The following ZNF26 variants were observed in gnomAD, a reference collection of about 807,000 sequenced individuals.
ZNF26 encodes zinc finger protein 26.
ZNF26 carries 32 observed loss-of-function variants against 54.9 expected under a neutral mutation model. That is an observed-to-expected ratio of 0.58 (90% CI 0.44 to 0.78). The LOEUF (loss-of-function observed/expected upper bound fraction) is 0.78. Among genes scored for constraint, ZNF26 ranks in the 30% least tolerant of loss-of-function variants. ZNF26 has a pLI of 0.00. For synonymous variants in ZNF26, 221 were observed against 209.2 expected (o/e 1.06, Z -0.49); for missense variants, 524 against 634.0 (o/e 0.83, Z 1.86).
At chr12:132,990,689 T>A (rs1411744892) in intron 1 of ZNF26, among the ~76,000 whole-genome samples, 4 of 152,180 alleles carry the variant, frequency 2.6e-5, no homozygotes. Flanking sequence ...CCTGGCACTT[T>A]CTGGTTTGGG....
intron 1 of ZNF26, 85 bp from the exon 2 acceptor site, chr12:133,006,957 A>G (rs1396028460): frequency 6.8e-7 from 1 of 1,474,714 alleles, no homozygotes; most frequent in East Asian, 2.3e-5. Context: ...GTAGAGGAAC[A>G]TTTATCCCTT....
chr12:132,992,595 C>T lies in ZNF26; in HGVS notation c.33+5722C>T, dbSNP rs768426325. ...GATGATGTGGTTACATCCTGATAAA[C>T]TCATCATAAATTGAAAATCTCTTTG... On this transcript the variant is annotated intron_variant, in intron 1 of 3. Coordinates refer to ENST00000328654, the MANE Select transcript of ZNF26 (RefSeq NM_019591.4). Among the ~76,000 whole-genome samples, 728 of 152,266 alleles carry T rather than the reference C, an allele frequency of 4.8e-3. 4 individuals carry two copies. The highest frequency in any genetic ancestry group is 8.1e-3 in the Non-Finnish European group (548 of 68,028).
At chr12:133,010,070 C>G in intron 3 of ZNF26, 66 bp from the exon 4 acceptor site, 7 of 1,481,090 alleles carry the variant, frequency 4.7e-6, no homozygotes, top group Non-Finnish European at 6.4e-6. Context: ...AGTCCTAATA[C>G]TGTTTAATTC....
At position 133,001,508 on chromosome 12, in the gene ZNF26, G is replaced by C; in HGVS notation, c.34-5534G>C. The C allele has an allele frequency of 2.4e-6, 1 of 424,242 alleles. No individual in the cohort carries two copies. Among genetic ancestry groups the C allele is most frequent in the Non-Finnish European group, 4.2e-6 (1 of 236,240 alleles). The allele number at this position is 424,242 out of a possible 1,614,324, so 26.3% of individuals were successfully genotyped here. A position where few individuals can be genotyped will look rare whatever the true frequency, so the allele number is the denominator to read the frequency against. ...TTATGACAGGCATCAGTGGGGCTTG[G>C]TTGGAGCCTCTGACAGGGCTCTGCC... On this transcript the variant is annotated intron_variant, in intron 1 of 3. Transcript: ENST00000328654. This position sits in a 1 kb window ranked among gnomAD's most constrained non-coding sequence, Gnocchi z 4.7.
Position 133,011,692 on chromosome 12 carries a change from A to T in ZNF26, c.*211A>T. 1 of 386,288 alleles carries T rather than the reference A, an allele frequency of 2.6e-6. No individual in the cohort carries two copies. The highest frequency in any genetic ancestry group is 4.6e-6 in the Non-Finnish European group (1 of 218,788). The allele number at this position is 386,288 out of a possible 1,614,324, so 23.9% of individuals were successfully genotyped here. A position where few individuals can be genotyped will look rare whatever the true frequency, so the allele number is the denominator to read the frequency against. On this transcript the variant is annotated 3_prime_UTR_variant, in exon 4 of 4. Coordinates refer to ENST00000328654, the MANE Select transcript of ZNF26 (RefSeq NM_019591.4). ...TAATGGAAGGAATGTGGAGCAATAA[A>T]TGTATCAAATGTTGTAGTATCATCA...
At chr12:132,995,139 C>A (rs1189287745) in intron 1 of ZNF26, 5 of 152,332 alleles carry the variant, frequency 3.3e-5, no homozygotes, top group African/African-American at 1.2e-4. Context: ...GAATTGAGAA[C>A]TGCATTTGCT....
chr12:132,997,357 A>G (rs1237824169), intron 1 of ZNF26, among the ~76,000 whole-genome samples: 11 of 152,086 alleles, frequency 7.2e-5, no homozygotes, highest in Admixed American at 6.5e-5. Flanking sequence ...AGTCCAGAAC[A>G]GGGGTTAATC....
At chr12:133,008,860 T>C (rs1953401992) in intron 3 of ZNF26, among the ~76,000 whole-genome samples, 1 of 151,952 alleles carries the variant, frequency 6.6e-6, no homozygotes, top group African/African-American at 2.4e-5. Flanking sequence ...CTGCAGGCTG[T>C]ATGGGAAGCA....
rs1952827563 is a variant in ZNF26 at position 132,986,693 on chromosome 12, G to C, written c.-148G>C. 16 of 761,256 alleles carry C rather than the reference G, an allele frequency of 2.1e-5. No homozygotes were observed. The South Asian group carries it at 2.6e-4, about 12-fold the overall frequency. 47.2% of individuals were successfully genotyped at this position (761,256 alleles called of 1,614,324 possible). Reference sequence around the variant, plus strand: ...TGTGTTGGGCGAGAGCTGAGGAGCCGGCGTCCCTGCCAACGACTCGGCCCC... The same window carrying C: ...TGTGTTGGGCGAGAGCTGAGGAGCCCGCGTCCCTGCCAACGACTCGGCCCC... On this transcript the variant is annotated 5_prime_UTR_variant, in exon 1 of 4. Transcript: ENST00000328654.
At position 133,011,543 on chromosome 12, in the gene ZNF26, G is replaced by A. The variant is rs1953473255; in HGVS notation, c.*62G>A. The A allele has an allele frequency of 1.4e-6, 2 of 1,459,612 alleles. No individual in the cohort carries two copies. The highest frequency in any genetic ancestry group is 2.5e-5 in the Admixed American group (1 of 39,590). The allele number at this position is 1,459,612 out of a possible 1,614,324, so 90.4% of individuals were successfully genotyped here. ...AGGAGACTTCGGATAATATAGACAG[G>A]ATTTACAAGCAGGAGGCCCTAAAAT... On this transcript the variant is annotated 3_prime_UTR_variant, in exon 4 of 4. Coordinates refer to ENST00000328654, the MANE Select transcript of ZNF26 (RefSeq NM_019591.4).
chr12:133,010,388 T>C lies in ZNF26; in HGVS notation c.509T>C (p.Ile170Thr). 2 of 1,614,168 alleles carry C rather than the reference T, an allele frequency of 1.2e-6. No homozygotes were observed. The highest frequency in any genetic ancestry group is 1.1e-5 in the South Asian group (1 of 91,082). ...YFLKHQRAHS[I>T]EKNCVCSECG... is the part of the protein sequence containing the mutation. ...CTTAAGCATCAAAGAGCTCATAGCA[T>C]AGAAAAAAACTGTGTGTGTAGTGAA... Residue 170 changes from isoleucine (I) to threonine (T), a missense_variant, in exon 4 of 4, where the codon ATA (isoleucine) becomes ACA (threonine). Physicochemically the swap from Ile to Thr is moderately conservative, Grantham distance 89 (BLOSUM62 -1). Coordinates refer to ENST00000328654, the MANE Select transcript of ZNF26 (RefSeq NM_019591.4).
chr12:133,001,078 A>G lies in ZNF26; in HGVS notation c.34-5964A>G, dbSNP rs1953209399. On this transcript the variant is annotated intron_variant, in intron 1 of 3. Transcript: ENST00000328654. The surrounding 1 kb of genome is among the most constrained non-coding windows in gnomAD (Gnocchi z 4.7). ...TGGTCACATCGAAGTGACTTGTTTC[A>G]TGTTTCTTCTCCCTCAGATTTAAAG... Among the ~76,000 whole-genome samples the G allele has an allele frequency of 6.6e-6, 1 of 152,016 alleles. No individual in the cohort carries two copies. Among genetic ancestry groups the G allele is most frequent in the South Asian group, 2.1e-4 (1 of 4,820 alleles).
At position 133,001,672 on chromosome 12, in the gene ZNF26, G is replaced by T; in HGVS notation, c.34-5370G>T. 7.8e-7 allele frequency: 1 copy of T among 1,289,148 alleles called. No homozygotes were observed. Among genetic ancestry groups the T allele is most frequent in the Non-Finnish European group, 1.0e-6 (1 of 988,684 alleles). The allele number at this position is 1,289,148 out of a possible 1,614,324, so 79.9% of individuals were successfully genotyped here. ...GAGGAGCCTGCTAATGAGCTCAAGT[G>T]TCAAGTTCGGGAATCTTCTGGGTGT... On this transcript the variant is annotated intron_variant, in intron 1 of 3. Transcript: ENST00000328654. This position sits in a 1 kb window ranked among gnomAD's most constrained non-coding sequence, Gnocchi z 4.7.
In ZNF26 at chr12:132,986,457, A is replaced by G. The variant is rs2137199166; in HGVS notation, c.-384A>G. The G allele has an allele frequency of 4.2e-6, 1 of 239,686 alleles. No homozygotes were observed. The highest frequency in any genetic ancestry group is 8.2e-6 in the Non-Finnish European group (1 of 121,668). The allele number at this position is 239,686 out of a possible 1,614,324, so 14.8% of individuals were successfully genotyped here. The stretch of plus-strand genomic sequence containing the variant: ...TCTGGCCAGCGGGTGTACCTGGCTG[A>G]GTCTCTGTGGCCGCGGAGGCGCGGA... On this transcript the variant is annotated 5_prime_UTR_variant, in exon 1 of 4. Coordinates refer to ENST00000328654, the MANE Select transcript of ZNF26 (RefSeq NM_019591.4).
At chr12:133,007,211 A>G in intron 2 of ZNF26, 43 bp downstream of exon 2, 1 of 1,599,962 alleles carries the variant, frequency 6.3e-7, no homozygotes, top group Non-Finnish European at 8.6e-7. Flanking sequence ...TGAATATTAA[A>G]TTGCCATCCC....
rs1953220227 is a variant in ZNF26, at chr12:133,001,582, C to T, written c.34-5460C>T. The T allele has an allele frequency of 3.7e-6, 4 of 1,084,570 alleles. No individual in the cohort carries two copies. In the Admixed American group the frequency reaches 7.0e-5, roughly 19 times the overall value. The allele number at this position is 1,084,570 out of a possible 1,614,324, so 67.2% of individuals were successfully genotyped here. ...TTCTTTCTCTCACTGCATGCAGACT[C>T]ACCCAGAAGTCCACTCACTGCCTCT... On this transcript the variant is annotated intron_variant, in intron 1 of 3. Transcript: ENST00000328654. The surrounding 1 kb of genome is among the most constrained non-coding windows in gnomAD (Gnocchi z 4.7).
intron 1 of ZNF26, chr12:133,005,241 C>T (rs10747094): frequency 1.3e-5 from 2 of 152,080 alleles, no homozygotes; most frequent in East Asian, 1.9e-4. Context: ...CTTGCTCTGT[C>T]GCTCAGGCTG....
In ZNF26 at chr12:132,989,028, A is replaced by ATTTTTTTTTTTTTTTTTTTTTTTTT. The variant is rs150395603; in HGVS notation, c.33+2159_33+2183dup. On this transcript the variant is annotated intron_variant, in intron 1 of 3. Transcript: ENST00000328654. ...TGTAGTTCCAGGAGTCTTTCGGTGA[A>ATTTTTTTTTTTTTTTTTTTTTTTTT]TTTTTTTTTTTTTTTTTTTTTTTTT... is the stretch of plus-strand genomic sequence containing the variant. 7.6e-5 allele frequency among the ~76,000 whole-genome samples: 6 copies of ATTTTTTTTTTTTTTTTTTTTTTTTT among 78,826 alleles called. 3 individuals carry two copies. The highest frequency in any genetic ancestry group is 1.0e-4 in the African/African-American group (2 of 20,054). 51.7% of individuals were successfully genotyped at this position (78,826 alleles called of 152,430 possible).
In ZNF26 at chr12:133,015,412, A is replaced by G. The variant is rs2137271436; in HGVS notation, c.*3931A>G. On this transcript the variant is annotated 3_prime_UTR_variant, in exon 4 of 4. Transcript: ENST00000328654. ...ACACATGTTCTGTGTATATGACACAATCCTAACTGTGGCATGTATCTATGT... is the reference window on the plus strand; with the variant it reads ...ACACATGTTCTGTGTATATGACACAGTCCTAACTGTGGCATGTATCTATGT... The G allele has an allele frequency of 6.6e-6, 1 of 152,130 alleles. No individual in the cohort carries two copies. Among genetic ancestry groups the G allele is most frequent in the African/African-American group, 2.4e-5 (1 of 41,528 alleles). 9.4% of individuals were successfully genotyped at this position (152,130 alleles called of 1,614,324 possible). A position where few individuals can be genotyped will look rare whatever the true frequency, so the allele number is the denominator to read the frequency against.
Sources: gnomAD v4.1 joint callset for allele counts (sites outside exome capture counted in the v4.1 genomes callset) on GRCh38, gnomAD v4.1.1 for gene constraint, Gnocchi (gnomAD v3.1) non-coding constraint, MANE v1.5 for transcripts, NCBI Gene and HGNC (gene_info 2026-07-23, HGNC 2026-07-21) for gene names.